Variants in SLCO2A1 observed in about 807,000 individuals in gnomAD.
SLCO2A1 encodes matrin F/G 1.
SLCO2A1 carries 60 observed loss-of-function variants against 71.7 expected under a neutral mutation model. That is an observed-to-expected ratio of 0.84 (90% CI 0.68 to 1.04). SLCO2A1 has a LOEUF of 1.04. SLCO2A1 is among the 50% of genes least tolerant of loss of function. The pLI, the probability that SLCO2A1 is intolerant of heterozygous loss-of-function variation, is 0.00. For missense variants in SLCO2A1, 745 were observed against 813.4 expected (o/e 0.92, Z 1.02); for synonymous variants, 308 against 326.7 (o/e 0.94, Z 0.62).
intron 1 of SLCO2A1, among the ~76,000 whole-genome samples, chr3:133,989,605 T>A (rs1003785724): frequency 6.6e-6 from 1 of 152,218 alleles, no homozygotes; most frequent in Non-Finnish European, 1.5e-5. Flanking sequence ...CAGTGTAACA[T>A]GTGCATGTGT....
intron 3 of SLCO2A1, among the ~76,000 whole-genome samples, chr3:133,961,014 C>T (rs1002181486): frequency 6.6e-6 from 1 of 151,918 alleles, no homozygotes; most frequent in Non-Finnish European, 1.5e-5. Flanking sequence ...CACAAGTCCT[C>T]CAGGGTGAGG....
At chr3:133,957,566 G>C (rs1354265794) in intron 3 of SLCO2A1, among the ~76,000 whole-genome samples, 1 of 152,126 alleles carries the variant, frequency 6.6e-6, no homozygotes, top group African/African-American at 2.4e-5. Flanking sequence ...ACATTTTTCA[G>C]GGATGGAAGA....
At chr3:134,010,954 T>C (rs1467353760) in intron 1 of SLCO2A1, among the ~76,000 whole-genome samples, 2 of 152,172 alleles carry the variant, frequency 1.3e-5, no homozygotes, top group African/African-American at 2.4e-5. Flanking sequence ...TATTTGTGAT[T>C]TTAAGGCAAT....
intron 1 of SLCO2A1, among the ~76,000 whole-genome samples, chr3:133,986,094 C>T (rs911589690): frequency 2.0e-5 from 3 of 152,138 alleles, no homozygotes; most frequent in Non-Finnish European, 2.9e-5. Context: ...ATACATTTGT[C>T]AAAACTCAAC....
Position 133,960,540 on chromosome 3 carries a change from G to T in SLCO2A1, c.398-5347C>A, listed in dbSNP as rs562331433. Among the ~76,000 whole-genome samples the T allele has an allele frequency of 4.6e-5, 7 of 152,274 alleles. No individual in the cohort carries two copies. The East Asian group carries it at 1.4e-3, about 29-fold the overall frequency. On this transcript the variant is annotated intron_variant, in intron 3 of 13. Transcript: ENST00000310926. ...CAGAAAGTAGAATGGTGGTTGCCAGGGACTGGGGGAGATGGGAATGAAGAG... is the reference window on the plus strand; with the variant it reads ...CAGAAAGTAGAATGGTGGTTGCCAGTGACTGGGGGAGATGGGAATGAAGAG...
At chr3:134,020,884 C>T (rs1935561217) in intron 1 of SLCO2A1, among the ~76,000 whole-genome samples, 1 of 152,036 alleles carries the variant, frequency 6.6e-6, no homozygotes, top group Non-Finnish European at 1.5e-5. Flanking sequence ...GGAAGCTTGG[C>T]CTGATCACCC....
At chr3:133,965,406 A>C (rs917920449) in intron 3 of SLCO2A1, among the ~76,000 whole-genome samples, 4 of 152,232 alleles carry the variant, frequency 2.6e-5, no homozygotes, top group African/African-American at 9.6e-5. Context: ...CTCTGAGCGC[A>C]TGCCACTCAA....
chr3:133,939,597 T>C (rs981830385), intron 11 of SLCO2A1, among the ~76,000 whole-genome samples: 12 of 152,094 alleles, frequency 7.9e-5, no homozygotes, highest in Non-Finnish European at 8.8e-5. Context: ...CAAATACTCA[T>C]TGGGGCAGGG....
At chr3:133,979,141 C>T (rs924050679) in intron 2 of SLCO2A1, among the ~76,000 whole-genome samples, 1 of 152,178 alleles carries the variant, frequency 6.6e-6, no homozygotes, top group African/African-American at 2.4e-5. Context: ...GGCGGACAGC[C>T]CTGCATACCT....
chr3:133,954,835 C>T, intron 4 of SLCO2A1, 131 bp downstream of exon 4: 1 of 678,038 alleles, frequency 1.5e-6, no homozygotes, highest in East Asian at 2.8e-5. Flanking sequence ...GTCGGATCCC[C>T]AGGCCTCTGA....
chr3:133,950,451 T>A lies in SLCO2A1; in HGVS notation c.861+757A>T, dbSNP rs148364371. 3.4e-4 allele frequency among the ~76,000 whole-genome samples: 51 copies of A among 152,236 alleles called. No homozygotes were observed. The East Asian group carries it at 8.5e-3, about 25-fold the overall frequency. On this transcript the variant is annotated intron_variant, in intron 6 of 13. Transcript: ENST00000310926. The stretch of plus-strand genomic sequence containing the variant: ...AATGTCTATCCTTATCTTTGCCCTG[T>A]CCCAGCTCTCCGACAACCATTGCTG...
chr3:134,011,238 A>T (rs967209661), intron 1 of SLCO2A1, among the ~76,000 whole-genome samples: 1 of 152,134 alleles, frequency 6.6e-6, no homozygotes, highest in African/African-American at 2.4e-5. Context: ...TTTAGTAGAG[A>T]CGGGGTTTCA....
intron 11 of SLCO2A1, among the ~76,000 whole-genome samples, chr3:133,938,814 C>T (rs1465056864): frequency 1.3e-5 from 2 of 151,970 alleles, no homozygotes; most frequent in Non-Finnish European, 2.9e-5. Flanking sequence ...TGATGCATCA[C>T]TGAGAACCAC....
At chr3:134,027,099 C>T (rs1159895401) in intron 1 of SLCO2A1, among the ~76,000 whole-genome samples, 2 of 152,160 alleles carry the variant, frequency 1.3e-5, no homozygotes, top group South Asian at 2.1e-4. Flanking sequence ...GAATCACTAT[C>T]GATCTGTCTT....
Position 133,979,655 on chromosome 3 carries a change from C to T in SLCO2A1, c.97-37G>A, listed in dbSNP as rs374645784. 4.4e-5 allele frequency: 69 copies of T among 1,565,782 alleles called. No homozygotes were observed. In the African/African-American group the frequency reaches 4.6e-4, roughly 10 times the overall value. ...GTGATGGGCCCGTGAGGTTTCTGGA[C>T]GACAAGCCCTGGCGCCCTCCCAGCC... is the stretch of plus-strand genomic sequence containing the variant. On this transcript the variant is annotated intron_variant, in intron 1 of 13. Transcript: ENST00000310926.
chr3:134,015,963 C>T (rs1434923702), intron 1 of SLCO2A1, among the ~76,000 whole-genome samples: 1 of 151,866 alleles, frequency 6.6e-6, no homozygotes, highest in Non-Finnish European at 1.5e-5. Context: ...AACTGGATAG[C>T]AATAGGTAAA....
chr3:133,955,686 G>C (rs76723277), intron 3 of SLCO2A1, among the ~76,000 whole-genome samples: 89 of 152,304 alleles, frequency 5.8e-4, no homozygotes, highest in African/African-American at 2.1e-3. Context: ...TGTTGCACCG[G>C]GTTGGTGTCA....
At chr3:133,938,666 T>G (rs73861263) in intron 11 of SLCO2A1, among the ~76,000 whole-genome samples, 173 bp from the exon 12 acceptor site, 1,957 of 152,198 alleles carry the variant, frequency 0.013, 39 homozygotes, top group African/African-American at 0.044. Flanking sequence ...ATCAGTGGCC[T>G]CAAAGCGTGG....
At position 133,973,785 on chromosome 3, in the gene SLCO2A1, C is replaced by G. The variant is rs771025552; in HGVS notation, c.275G>C (p.Gly92Ala). The G allele has an allele frequency of 1.2e-6, 2 of 1,613,856 alleles. No individual in the cohort carries two copies. Among genetic ancestry groups the G allele is most frequent in the Non-Finnish European group, 1.7e-6 (2 of 1,179,956 alleles). Residue 92 changes from glycine to alanine, a missense_variant, in exon 3 of 14, where the codon GGC becomes GCC. Physicochemically the swap from Gly to Ala is moderately conservative, Grantham distance 60. Coordinates refer to ENST00000310926, the MANE Select transcript of SLCO2A1 (RefSeq NM_005630.3). ...AILIIFVSYF[G>A]SRVHRPRLIG... ...CAGACGTGGACGGTGCACCCGGCTG[C>G]CAAAGTAGCTGACAAAGATGATGAG...
Sources: allele counts gnomAD v4.1 joint callset (sites outside exome capture counted in the v4.1 genomes callset), GRCh38; gene constraint gnomAD v4.1.1; transcripts MANE v1.5; gene names NCBI Gene and HGNC (gene_info 2026-07-23, HGNC 2026-07-21).